Variants in KCNIP4 observed in about 807,000 individuals in gnomAD.
KCNIP4 encodes the protein potassium voltage-gated channel interacting protein 4.
Under a neutral mutation model 34.0 loss-of-function variants are expected in KCNIP4, and 12 were observed. The observed-to-expected ratio is 0.35, with a 90% CI of 0.23 to 0.57. The LOEUF (loss-of-function observed/expected upper bound fraction) is 0.57, where lower values mean the gene tolerates loss of function less well. Among genes scored for constraint, KCNIP4 ranks in the 20% least tolerant of loss-of-function variants. KCNIP4 has a pLI of 0.83. For missense variants in KCNIP4, 238 were observed against 311.7 expected (o/e 0.76, Z 1.78); for synonymous variants, 124 against 102.2 (o/e 1.21, Z -1.29).
At chr4:21,737,141 C>A (rs902022373) in intron 1 of KCNIP4, among the ~76,000 whole-genome samples, 3 of 152,158 alleles carry the variant, frequency 2.0e-5, no homozygotes, top group Non-Finnish European at 4.4e-5. Context: ...TCAGAAATAA[C>A]GCCTAAGGTC....
At chr4:21,840,424 C>A (rs534305019) in intron 1 of KCNIP4, among the ~76,000 whole-genome samples, 98 of 152,154 alleles carry the variant, frequency 6.4e-4, no homozygotes, top group African/African-American at 2.2e-3. Context: ...GTGCCCTGCT[C>A]TTGCTAAATA....
chr4:20,738,805 G>T (rs183019986), intron 5 of KCNIP4, among the ~76,000 whole-genome samples: 27,312 of 152,106 alleles, frequency 0.18, 2,608 homozygotes, highest in Non-Finnish European at 0.22. Context: ...CCTCACCCAG[G>T]AAGCGCAAGG....
intron 1 of KCNIP4, among the ~76,000 whole-genome samples, chr4:21,060,004 C>A (rs1260102604): frequency 6.6e-6 from 1 of 152,042 alleles, no homozygotes; most frequent in Non-Finnish European, 1.5e-5. Flanking sequence ...TTGTCCTAAT[C>A]AATTCTGTCT....
At chr4:21,353,923 A>G (rs1249689526) in intron 1 of KCNIP4, among the ~76,000 whole-genome samples, 10 of 152,202 alleles carry the variant, frequency 6.6e-5, no homozygotes, top group Non-Finnish European at 1.3e-4. Flanking sequence ...CCACAAAGGG[A>G]AGCCCATTAG....
In KCNIP4 at chr4:20,731,999, T is replaced by G; in HGVS notation, c.705+7A>C. 1 of 1,613,202 alleles carries G rather than the reference T, an allele frequency of 6.2e-7. No individual in the cohort carries two copies. Among genetic ancestry groups the G allele is most frequent in the African/African-American group, 1.3e-5 (1 of 75,010 alleles). On this transcript the variant is annotated splice_region_variant and intron_variant, in intron 8 of 8. Coordinates refer to ENST00000382152, the MANE Select transcript of KCNIP4 (RefSeq NM_025221.6). ...GAATTGATAGTTATTACACTTTCAT[T>G]ACTTACTTTTTGGCAGCTTTCAATG...
chr4:21,529,527 G>A (rs569358869), intron 1 of KCNIP4, among the ~76,000 whole-genome samples: 38 of 152,280 alleles, frequency 2.5e-4, no homozygotes, highest in African/African-American at 9.1e-4. Flanking sequence ...AAATTGTATA[G>A]AAATCAATCT....
chr4:21,352,539 G>C (rs1012153139), intron 1 of KCNIP4, among the ~76,000 whole-genome samples: 1 of 152,228 alleles, frequency 6.6e-6, no homozygotes, highest in Non-Finnish European at 1.5e-5. Context: ...GCAGCAGTCT[G>C]GGATTGCCTT....
At chr4:21,226,117 T>C (rs1206834607) in intron 1 of KCNIP4, among the ~76,000 whole-genome samples, 20 of 151,238 alleles carry the variant, frequency 1.3e-4, no homozygotes, top group Non-Finnish European at 2.1e-4. Context: ...GACTGATCTA[T>C]GGTTGCATGA....
intron 7 of KCNIP4, 86 bp from the exon 8 acceptor site, chr4:20,732,154 A>G (rs1560404697): frequency 2.3e-6 from 2 of 882,910 alleles, no homozygotes; most frequent in Non-Finnish European, 3.6e-6. Flanking sequence ...GCTGATAAAA[A>G]GAAAACCTAG....
intron 1 of KCNIP4, among the ~76,000 whole-genome samples, chr4:21,701,829 G>T (rs535787789): frequency 6.6e-6 from 1 of 151,698 alleles, no homozygotes; most frequent in Non-Finnish European, 1.5e-5. Context: ...TCAGCCTCCC[G>T]AGTAGCTGGC....
intron 1 of KCNIP4, among the ~76,000 whole-genome samples, chr4:21,035,017 A>T (rs1741331868): frequency 6.6e-6 from 1 of 152,130 alleles, no homozygotes; most frequent in African/African-American, 2.4e-5. Flanking sequence ...TGATAAGACA[A>T]CCCAATAAGG....
intron 1 of KCNIP4, among the ~76,000 whole-genome samples, chr4:21,499,346 AC>A (rs1440088940): frequency 1.0e-4 from 15 of 148,750 alleles, no homozygotes; most frequent in Middle Eastern, 7.0e-3. Context: ...AAAAAAAAAA[AC>A]AACTACATAA....
intron 1 of KCNIP4, among the ~76,000 whole-genome samples, chr4:21,431,825 G>A (rs1323906341): frequency 1.3e-5 from 2 of 150,954 alleles, no homozygotes; most frequent in Admixed American, 1.3e-4. Context: ...CATTTCTAAT[G>A]AGAAACACAG....
chr4:21,394,763 G>A (rs2109527912), intron 1 of KCNIP4, among the ~76,000 whole-genome samples: 1 of 152,274 alleles, frequency 6.6e-6, no homozygotes, highest in Non-Finnish European at 1.5e-5. Flanking sequence ...CCCACAATGT[G>A]CTTCCTAGTA....
At chr4:20,942,650 C>T (rs1731758992) in intron 1 of KCNIP4, among the ~76,000 whole-genome samples, 1 of 152,000 alleles carries the variant, frequency 6.6e-6, no homozygotes, top group Non-Finnish European at 1.5e-5. Context: ...CTAATCTCTG[C>T]TATTTCCTTC....
intron 1 of KCNIP4, among the ~76,000 whole-genome samples, chr4:21,020,596 C>T (rs542628229): frequency 1.3e-5 from 2 of 152,194 alleles, no homozygotes; most frequent in South Asian, 4.1e-4. Context: ...GACGATATCG[C>T]CATTCTTCGG....
At chr4:21,354,937 TAAC>T (rs967028938) in intron 1 of KCNIP4, among the ~76,000 whole-genome samples, 5 of 152,232 alleles carry the variant, frequency 3.3e-5, no homozygotes, top group Middle Eastern at 3.4e-3. Context: ...ACAGAAATCA[TAAC>T]AAACTGTCTC....
chr4:21,025,473 T>TGAGAGAGAGAGAGAGAGAGA (rs33926876), intron 1 of KCNIP4, among the ~76,000 whole-genome samples: 2 of 95,112 alleles, frequency 2.1e-5, no homozygotes, highest in African/African-American at 8.4e-5. Flanking sequence ...TGAAAACAAC[T>TGAGAGAGAGAGAGAGAGAGA]GAGAGAGAGA....
At chr4:21,121,991 G>T (rs1267380456) in intron 1 of KCNIP4, among the ~76,000 whole-genome samples, 1 of 152,136 alleles carries the variant, frequency 6.6e-6, no homozygotes, top group Non-Finnish European at 1.5e-5. Flanking sequence ...TCACTGGCAG[G>T]CTCTGATAAT....
Sources: allele counts gnomAD v4.1 joint callset (sites outside exome capture counted in the v4.1 genomes callset), GRCh38; gene constraint gnomAD v4.1.1; transcripts MANE v1.5; gene names NCBI Gene and HGNC (gene_info 2026-07-23, HGNC 2026-07-21).